Variants in PVT1 observed in about 807,000 individuals in gnomAD.
The protein encoded by PVT1 is CXCR4/PVT1 fusion.
At chr8:127,892,713 C>T (rs73710052) in intron 3 of PVT1, among the ~76,000 whole-genome samples, 4,943 of 152,168 alleles carry the variant, frequency 0.032, 286 homozygotes, top group African/African-American at 0.11. Context: ...TGAGCTGCAG[C>T]AGGTGCTGGG....
intron 4 of PVT1, among the ~76,000 whole-genome samples, chr8:127,993,792 TTA>T (rs10579746): frequency 0.046 from 7,033 of 152,252 alleles, 212 homozygotes; most frequent in Non-Finnish European, 0.067. Context: ...ACTTTACAGT[TTA>T]TAAAGTGATT....
chr8:127,816,332 G>A (rs1814658939), intron 2 of PVT1, among the ~76,000 whole-genome samples: 1 of 151,666 alleles, frequency 6.6e-6, no homozygotes, highest in Non-Finnish European at 1.5e-5. Flanking sequence ...TCTTTTTGTT[G>A]AGATAGGATC....
At chr8:127,823,275 C>T (rs1814753192) in intron 2 of PVT1, among the ~76,000 whole-genome samples, 1 of 152,152 alleles carries the variant, frequency 6.6e-6, no homozygotes, top group Non-Finnish European at 1.5e-5. Context: ...GCCAGCCCAT[C>T]CCACTGACAG....
At chr8:127,964,062 T>G (rs1306170805) in intron 3 of PVT1, among the ~76,000 whole-genome samples, 1 of 152,242 alleles carries the variant, frequency 6.6e-6, no homozygotes, top group Non-Finnish European at 1.5e-5. Flanking sequence ...GAAGGCTTAT[T>G]GCAGATGAAG....
intron 2 of PVT1, among the ~76,000 whole-genome samples, chr8:127,886,494 C>G (rs79142367): frequency 0.02 from 3,115 of 152,248 alleles, 120 homozygotes; most frequent in African/African-American, 0.069. Flanking sequence ...CTCTGAGGCT[C>G]TCTTCAATTT....
chr8:127,842,415 A>G (rs922493858), intron 2 of PVT1, among the ~76,000 whole-genome samples: 44 of 151,958 alleles, frequency 2.9e-4, no homozygotes, highest in African/African-American at 9.7e-4. Context: ...CTACCGCACC[A>G]GGCTATTTTT....
intron 2 of PVT1, among the ~76,000 whole-genome samples, chr8:127,888,143 T>C (rs942046435): frequency 4.6e-5 from 7 of 151,970 alleles, no homozygotes; most frequent in Non-Finnish European, 1.0e-4. Flanking sequence ...GGTTTCACCG[T>C]GTTAGCCAGG....
chr8:127,819,512 G>A (rs1814706298), intron 2 of PVT1, among the ~76,000 whole-genome samples: 1 of 152,214 alleles, frequency 6.6e-6, no homozygotes, highest in South Asian at 2.1e-4. Context: ...CTAACCAGTA[G>A]CAGGGCACGC....
chr8:128,093,332 C>A (rs781108834), intron 5 of PVT1, among the ~76,000 whole-genome samples: 4 of 151,950 alleles, frequency 2.6e-5, no homozygotes, highest in African/African-American at 9.7e-5. Context: ...CCGAGGTGGG[C>A]GGATCACCTG....
At chr8:127,957,876 G>A (rs145467984) in intron 3 of PVT1, among the ~76,000 whole-genome samples, 37 of 152,366 alleles carry the variant, frequency 2.4e-4, no homozygotes, top group Middle Eastern at 3.4e-3. Context: ...CTTCCCTGCC[G>A]TGCCTCGTTC....
At chr8:128,064,024 A>G (rs2648881) in intron 4 of PVT1, among the ~76,000 whole-genome samples, 28,507 of 152,114 alleles carry the variant, frequency 0.19, 3,138 homozygotes, top group East Asian at 0.49. Context: ...ATCCCCACGG[A>G]TGAGTTAAGA....
At chr8:127,921,106 C>T (rs538468568) in intron 3 of PVT1, among the ~76,000 whole-genome samples, 3 of 152,226 alleles carry the variant, frequency 2.0e-5, no homozygotes, top group Non-Finnish European at 4.4e-5. Context: ...GATCAGCTGC[C>T]AGAAATTGCA....
At chr8:127,958,934 G>A (rs1816603920) in intron 3 of PVT1, among the ~76,000 whole-genome samples, 1 of 151,804 alleles carries the variant, frequency 6.6e-6, no homozygotes. Context: ...TCGAAGGGGA[G>A]TCTTAAGGGT....
rs1028475240 is a variant in PVT1, at chr8:128,076,857, C to T, written n.1114+6496C>T. ...AGGAGAATTTGCAGCTGTCCTGGCCCCTGGTGACACATGCTAAGCCCTTCA... is the reference window on the plus strand; with the variant it reads ...AGGAGAATTTGCAGCTGTCCTGGCCTCTGGTGACACATGCTAAGCCCTTCA... On this transcript the variant is annotated intron_variant and non_coding_transcript_variant, in intron 5 of 10. Coordinates refer to ENST00000651587, the Ensembl canonical transcript of PVT1. Among the ~76,000 whole-genome samples, 33 of 152,198 alleles carry T rather than the reference C, an allele frequency of 2.2e-4. 1 individual carries two copies. Among genetic ancestry groups the T allele is most frequent in the African/African-American group, 5.8e-4 (24 of 41,444 alleles).
At chr8:127,959,180 A>C (rs760081186) in intron 3 of PVT1, among the ~76,000 whole-genome samples, 2 of 152,208 alleles carry the variant, frequency 1.3e-5, no homozygotes, top group African/African-American at 4.8e-5. Flanking sequence ...ACTGATGACT[A>C]TCAGTCCCCT....
chr8:127,939,937 TGGTGCTA>T (rs1816327837), intron 3 of PVT1: 1 of 152,206 alleles, frequency 6.6e-6, no homozygotes, highest in African/African-American at 2.4e-5. Flanking sequence ...TTGGGATACA[TGGTGCTA>T]GGTTCTGAGA....
intron 4 of PVT1, among the ~76,000 whole-genome samples, chr8:128,055,373 C>A (rs149407438): frequency 6.6e-6 from 1 of 152,130 alleles, no homozygotes; most frequent in Non-Finnish European, 1.5e-5. Context: ...TTAACTTTTC[C>A]GGGCTTAAGT....
intron 4 of PVT1, chr8:128,049,145 T>C (rs1293843976): frequency 1.9e-6 from 1 of 528,060 alleles, no homozygotes; most frequent in Non-Finnish European, 3.9e-6. Flanking sequence ...CCGCCAGGCC[T>C]CCATGTGCAG....
At chr8:128,008,967 C>T (rs1448888110) in intron 4 of PVT1, 1 of 515,850 alleles carries the variant, frequency 1.9e-6, no homozygotes, top group Non-Finnish European at 4.1e-6. Context: ...CCAAATTATG[C>T]TCGCCACACA....
Sources: allele counts gnomAD v4.1 joint callset (sites outside exome capture counted in the v4.1 genomes callset), GRCh38; gene constraint gnomAD v4.1.1; transcripts MANE v1.5; gene names NCBI Gene and HGNC (gene_info 2026-07-23, HGNC 2026-07-21).